The following WDR49 variants were observed in gnomAD, a reference collection of about 807,000 sequenced individuals.
WDR49 encodes the protein cilia- and flagella-associated protein 337.
WDR49 carries 107 observed loss-of-function variants against 119.5 expected under a neutral mutation model. The observed-to-expected ratio is 0.90, with a 90% confidence interval of 0.77 to 1.05. The LOEUF is 1.05. Ranked by LOEUF, WDR49 falls within the 50% of genes least tolerant of loss-of-function variation. The pLI is 0.00. For missense variants in WDR49, 1,240 were observed against 1,220.5 expected (o/e 1.02, Z -0.24); for synonymous variants, 425 against 418.8 (o/e 1.01, Z -0.18).
intron 16 of WDR49, among the ~76,000 whole-genome samples, chr3:167,512,282 C>T (rs1397579961): frequency 2.0e-5 from 3 of 152,138 alleles, no homozygotes; most frequent in Non-Finnish European, 4.4e-5. Flanking sequence ...CTTCTGCAGC[C>T]TCCACTGGTG....
intron 7 of WDR49, among the ~76,000 whole-genome samples, chr3:167,585,373 A>T (rs1421522476): frequency 6.7e-6 from 1 of 149,222 alleles, no homozygotes; most frequent in Non-Finnish European, 1.5e-5. Flanking sequence ...CATTAACCTA[A>T]GAGGTCTTAA....
chr3:167,528,133 A>C (rs1175605923), intron 14 of WDR49, 116 bp from the exon 15 acceptor site: 4 of 784,668 alleles, frequency 5.1e-6, no homozygotes. Context: ...CCTATGATCC[A>C]AATGCAAAAG....
At chr3:167,524,995 G>T (rs2108235360) in intron 15 of WDR49, among the ~76,000 whole-genome samples, 1 of 152,148 alleles carries the variant, frequency 6.6e-6, no homozygotes, top group East Asian at 1.9e-4. Context: ...ATTACTTTGG[G>T]CAGTATGGCC....
At chr3:167,585,618 A>G (rs545231029) in intron 7 of WDR49, among the ~76,000 whole-genome samples, 22 of 152,190 alleles carry the variant, frequency 1.4e-4, no homozygotes, top group African/African-American at 5.1e-4. Flanking sequence ...AGCAAATTGT[A>G]GAAAAAATAT....
At chr3:167,607,353 A>G (rs971133160) in intron 5 of WDR49, among the ~76,000 whole-genome samples, 18 of 152,184 alleles carry the variant, frequency 1.2e-4, no homozygotes, top group Admixed American at 1.0e-3. Context: ...ATTTTGGGGT[A>G]TCACTTTCTG....
chr3:167,583,881 G>GT (rs1269760615), intron 7 of WDR49, among the ~76,000 whole-genome samples: 1 of 152,092 alleles, frequency 6.6e-6, no homozygotes, highest in African/African-American at 2.4e-5. Context: ...CTATATATTA[G>GT]TAACAGTAAA....
chr3:167,614,392 C>G (rs1055897220), intron 5 of WDR49, among the ~76,000 whole-genome samples: 10 of 152,120 alleles, frequency 6.6e-5, no homozygotes, highest in African/African-American at 2.2e-4. Context: ...AGCCACCTGG[C>G]CTCATTCTTT....
At chr3:167,542,462 T>A (rs1455896514) in intron 10 of WDR49, among the ~76,000 whole-genome samples, 1 of 152,022 alleles carries the variant, frequency 6.6e-6, no homozygotes, top group East Asian at 1.9e-4. Flanking sequence ...TGGAATAAAA[T>A]TGGAAATTAG....
chr3:167,539,577 TCTGAAA>T (rs1028966193), intron 10 of WDR49, among the ~76,000 whole-genome samples: 1 of 152,124 alleles, frequency 6.6e-6, no homozygotes, highest in Non-Finnish European at 1.5e-5. Context: ...AATTATAAAT[TCTGAAA>T]CCATGCATCT....
intron 8 of WDR49, among the ~76,000 whole-genome samples, chr3:167,560,806 A>C (rs946499775): frequency 1.3e-5 from 2 of 151,396 alleles, no homozygotes; most frequent in Non-Finnish European, 2.9e-5. Flanking sequence ...AAAAGAGCAC[A>C]GGTTAAATAT....
At chr3:167,518,128 T>C (rs890789437) in intron 16 of WDR49, among the ~76,000 whole-genome samples, 5 of 152,170 alleles carry the variant, frequency 3.3e-5, no homozygotes, top group Admixed American at 3.3e-4. Context: ...TAATCCAGTC[T>C]ATCATTGTTG....
chr3:167,527,187 C>T (rs1013953552), intron 15 of WDR49, among the ~76,000 whole-genome samples: 3 of 152,112 alleles, frequency 2.0e-5, no homozygotes, highest in Admixed American at 6.6e-5. Context: ...CGATTAGCTT[C>T]TGTGAGCTCA....
chr3:167,487,968 T>G (rs1750988663), intron 18 of WDR49, among the ~76,000 whole-genome samples: 1 of 152,024 alleles, frequency 6.6e-6, no homozygotes, highest in South Asian at 2.1e-4. Context: ...TGTTTGGAGA[T>G]TTCTTAAATA....
rs372099674 is a variant in WDR49 at position 167,480,956 on chromosome 3, CAT to C, written c.3032-1962_3032-1961del. Among the ~76,000 whole-genome samples, 951 of 151,886 alleles carry C rather than the reference CAT, an allele frequency of 6.3e-3. 6 individuals are homozygous for C. The highest frequency in any genetic ancestry group is 0.021 in the African/African-American group (850 of 41,368). On this transcript the variant is annotated intron_variant, in intron 18 of 18. Transcript: ENST00000682715. ...GAGTCAGGGCTACCTGTATCACACA[CAT>C]GAGTCATTTTTTGCTAAAGCAGTCT...
intron 16 of WDR49, among the ~76,000 whole-genome samples, chr3:167,515,887 G>A (rs1426143440): frequency 6.6e-6 from 1 of 152,054 alleles, no homozygotes; most frequent in Admixed American, 6.6e-5. Context: ...ATTAACAATC[G>A]CTACAGAGAA....
At chr3:167,549,665 T>C (rs1319612401) in intron 10 of WDR49, among the ~76,000 whole-genome samples, 2 of 152,208 alleles carry the variant, frequency 1.3e-5, no homozygotes, top group Non-Finnish European at 2.9e-5. Context: ...CTGATGGTAG[T>C]TTCTTTTGCT....
Position 167,550,370 on chromosome 3 carries a change from T to C in WDR49, c.1823+4280A>G, listed in dbSNP as rs1023044847. 9.0e-4 allele frequency among the ~76,000 whole-genome samples: 137 copies of C among 152,250 alleles called. 1 individual carries two copies. The highest frequency in any genetic ancestry group is 5.0e-3 in the Admixed American group (77 of 15,266). On this transcript the variant is annotated intron_variant, in intron 10 of 18. Transcript: ENST00000682715. Reference sequence around the variant, plus strand: ...TTGTTTGTGTCCTCTTTTATTTTGTTGAGCAGTGGTTTGTAGTTCTCCTTG... The same window carrying C: ...TTGTTTGTGTCCTCTTTTATTTTGTCGAGCAGTGGTTTGTAGTTCTCCTTG...
chr3:167,542,076 A>T (rs1482116798), intron 10 of WDR49, among the ~76,000 whole-genome samples: 1 of 152,136 alleles, frequency 6.6e-6, no homozygotes, highest in Non-Finnish European at 1.5e-5. Context: ...AATCAGTCCA[A>T]CAGGAAAATA....
chr3:167,560,310 T>C, intron 8 of WDR49, 82 bp from the exon 9 acceptor site: 1 of 1,366,940 alleles, frequency 7.3e-7, no homozygotes, highest in South Asian at 1.5e-5. Context: ...ATCCAGCCTG[T>C]GCATTTCTAG....
Sources: gnomAD v4.1 joint callset for allele counts (sites outside exome capture counted in the v4.1 genomes callset) on GRCh38, gnomAD v4.1.1 for gene constraint, MANE v1.5 for transcripts, NCBI Gene and HGNC (gene_info 2026-07-23, HGNC 2026-07-21) for gene names.